The following PTPN13 variants were observed in gnomAD, a reference collection of about 807,000 sequenced individuals.
The protein encoded by PTPN13 is tyrosine-protein phosphatase non-receptor type 13.
Under a neutral mutation model 284.0 loss-of-function variants are expected in PTPN13, and 191 were observed. The observed-to-expected ratio is 0.67, with a 90% CI of 0.60 to 0.76. The LOEUF (loss-of-function observed/expected upper bound fraction) is 0.76, where lower values mean the gene tolerates loss of function less well. Ranked by LOEUF, PTPN13 falls within the 30% of genes least tolerant of loss-of-function variation. The pLI, the probability that PTPN13 is intolerant of heterozygous loss-of-function variation, is 0.00. For synonymous variants in PTPN13, 986 were observed against 1,022.3 expected, an observed-to-expected ratio of 0.96 and a Z score of 0.68; for missense variants, 2,797 against 2,939.9, an observed-to-expected ratio of 0.95 and a Z score of 1.12.
At chr4:86,758,589 G>A in intron 21 of PTPN13, 89 bp from the exon 22 acceptor site, 2 of 1,139,482 alleles carry the variant, frequency 1.8e-6, no homozygotes, top group South Asian at 2.7e-5. Context: ...GATATCAATA[G>A]TCCCCACATT....
rs533555920 is a variant in PTPN13 at position 86,701,702 on chromosome 4, C to T, written c.1096C>T (p.Arg366Ter). ...GAAAATGGATCCAATATATCACACT[C>T]GAGAATTGCCCACCTCCTCAGCAAT... is the stretch of plus-strand genomic sequence containing the variant. ...PQKMDPIYHT[R>*]ELPTSSAISS... The change falls in exon 7 of 48, where the codon CGA becomes TGA. Residue 366 changes from arginine to a stop codon, truncating the protein, a stop_gained. Transcript: ENST00000411767. LOFTEE classifies it high-confidence loss of function. 4 of 1,613,926 alleles carry T rather than the reference C, an allele frequency of 2.5e-6. No individual in the cohort carries two copies. The highest frequency in any genetic ancestry group is 1.1e-5 in the South Asian group (1 of 91,076).
At chr4:86,634,747 T>C (rs748477808) in intron 1 of PTPN13, among the ~76,000 whole-genome samples, 21 of 152,310 alleles carry the variant, frequency 1.4e-4, no homozygotes, top group Non-Finnish European at 2.1e-4. Context: ...TATACAGTTA[T>C]AGTATATATA....
intron 2 of PTPN13, among the ~76,000 whole-genome samples, chr4:86,656,289 C>T (rs950558564): frequency 6.6e-5 from 10 of 152,208 alleles, no homozygotes; most frequent in African/African-American, 2.2e-4. Context: ...TGGCAAGGAG[C>T]TGTGCTCCTT....
At chr4:86,688,975 C>T (rs750521064) in intron 4 of PTPN13, 30 bp from the exon 5 acceptor site, 7 of 1,510,076 alleles carry the variant, frequency 4.6e-6, no homozygotes, top group African/African-American at 2.8e-5. Context: ...CTCACATTTA[C>T]TCACTGGCTT....
chr4:86,712,635 C>T (rs532380909), intron 7 of PTPN13, among the ~76,000 whole-genome samples: 4 of 152,188 alleles, frequency 2.6e-5, no homozygotes, highest in Admixed American at 1.3e-4. Flanking sequence ...GTAGGCAAAG[C>T]AAGTTATCCC....
intron 6 of PTPN13, among the ~76,000 whole-genome samples, chr4:86,698,555 C>T (rs951108709): frequency 6.6e-6 from 1 of 152,058 alleles, no homozygotes; most frequent in African/African-American, 2.4e-5. Context: ...GGAAATCCAA[C>T]ATTTGGATAT....
intron 1 of PTPN13, among the ~76,000 whole-genome samples, chr4:86,619,947 G>T (rs1721028602): frequency 6.6e-6 from 1 of 151,790 alleles, no homozygotes; most frequent in Admixed American, 6.6e-5. Context: ...TAACATTATT[G>T]TGTTCTCATG....
chr4:86,693,071 TAAAAAAAAAAAAA>T (rs34543988), intron 5 of PTPN13, among the ~76,000 whole-genome samples: 2 of 112,304 alleles, frequency 1.8e-5, no homozygotes, highest in African/African-American at 6.7e-5. Flanking sequence ...CCGTTATATT[TAAAAAAAAAAAAA>T]AAAAAAAAAG....
At chr4:86,759,945 A>G (rs1056844413) in intron 23 of PTPN13, among the ~76,000 whole-genome samples, 5 of 152,202 alleles carry the variant, frequency 3.3e-5, no homozygotes, top group Non-Finnish European at 7.3e-5. Flanking sequence ...ATATTGGGAA[A>G]TACATAAAAG....
chr4:86,714,503 C>CA (rs1732787610), intron 7 of PTPN13, among the ~76,000 whole-genome samples: 1 of 151,990 alleles, frequency 6.6e-6, no homozygotes, highest in Non-Finnish European at 1.5e-5. Flanking sequence ...GCTTATTATC[C>CA]ACCACCTGAA....
intron 7 of PTPN13, among the ~76,000 whole-genome samples, chr4:86,705,673 T>G (rs1189751602): frequency 6.6e-6 from 1 of 152,208 alleles, no homozygotes; most frequent in African/African-American, 2.4e-5. Context: ...TTAGAGCACA[T>G]GTTATCGAAA....
intron 13 of PTPN13, 24 bp downstream of exon 13, chr4:86,734,480 T>A: frequency 1.3e-6 from 2 of 1,503,008 alleles, no homozygotes; most frequent in Non-Finnish European, 1.8e-6. Flanking sequence ...AGTTTCTCTT[T>A]TGCTCTTTTT....
intron 1 of PTPN13, among the ~76,000 whole-genome samples, chr4:86,610,479 C>T (rs891050629): frequency 9.9e-5 from 15 of 152,078 alleles, no homozygotes; most frequent in Admixed American, 9.2e-4. Flanking sequence ...GCCTAAATGC[C>T]TGCAGGGGCA....
chr4:86,636,273 AGGTCACTT>A (rs1433919064), intron 2 of PTPN13, among the ~76,000 whole-genome samples: 2 of 152,214 alleles, frequency 1.3e-5, no homozygotes. Context: ...CCTGTGGAGG[AGGTCACTT>A]GGTCCAAATG....
chr4:86,722,076 T>C, intron 9 of PTPN13, 136 bp from the exon 10 acceptor site: 1 of 710,238 alleles, frequency 1.4e-6, no homozygotes, highest in Non-Finnish European at 2.4e-6. Context: ...TACTGTGTAA[T>C]GTAAAGATTC....
chr4:86,604,351 G>A (rs1487219748), intron 1 of PTPN13, among the ~76,000 whole-genome samples: 1 of 151,990 alleles, frequency 6.6e-6, no homozygotes, highest in South Asian at 2.1e-4. Flanking sequence ...TACAGGAATT[G>A]TTTACCTTTA....
At position 86,718,455 on chromosome 4, in the gene PTPN13, C is replaced by CTTTTTTTTTTTTTTTTTTTTTTTTTT. The variant is rs796389778; in HGVS notation, c.1385+1351_1385+1352insTTTTTTTTTTTTTTTTTTTTTTTTTT. ...AAATTATTCTTTAGTTAATGGTCCACTTTTTTTTTTTTTGAGACAGAGTCT... is the reference window on the plus strand; with the variant it reads ...AAATTATTCTTTAGTTAATGGTCCACTTTTTTTTTTTTTTTTTTTTTTTTTTTTTTTTTTTTTTTGAGACAGAGTCT... On this transcript the variant is annotated intron_variant, in intron 9 of 47. Transcript: ENST00000411767. 3.5e-4 allele frequency among the ~76,000 whole-genome samples: 49 copies of CTTTTTTTTTTTTTTTTTTTTTTTTTT among 140,164 alleles called. 1 individual carries two copies. The highest frequency in any genetic ancestry group is 1.0e-3 in the East Asian group (5 of 4,994). 92.0% of individuals were successfully genotyped at this position (140,164 alleles called of 152,430 possible).
rs989118106 is a variant in PTPN13 at position 86,797,440 on chromosome 4, C to T, written c.6401+511C>T. 2.6e-5 allele frequency among the ~76,000 whole-genome samples: 4 copies of T among 151,362 alleles called. No individual in the cohort carries two copies. In the East Asian group the frequency reaches 5.8e-4, roughly 22 times the overall value. On this transcript the variant is annotated intron_variant, in intron 41 of 47. Transcript: ENST00000411767. ...CCAGGAGGTGGATGTTACAGTGAGC[C>T]GAGATCGCGCCACTGTACTCCAGCC...
At chr4:86,691,900 C>G (rs2148969007) in intron 5 of PTPN13, among the ~76,000 whole-genome samples, 1 of 152,226 alleles carries the variant, frequency 6.6e-6, no homozygotes, top group Middle Eastern at 3.4e-3. Flanking sequence ...AGTCAGCAAG[C>G]CAGCTTACTT....
Sources: gnomAD v4.1 joint callset for allele counts (sites outside exome capture counted in the v4.1 genomes callset) on GRCh38, gnomAD v4.1.1 for gene constraint, MANE v1.5 for transcripts, NCBI Gene and HGNC (gene_info 2026-07-23, HGNC 2026-07-21) for gene names.